Variants in RBPJ observed in about 807,000 individuals in gnomAD.
RBPJ encodes recombining binding protein suppressor of hairless.
In RBPJ, 9 loss-of-function variants were observed where a neutral mutation model predicts 67.8. That is an observed-to-expected ratio of 0.13 (90% CI 0.08 to 0.23). RBPJ has a LOEUF of 0.23. RBPJ is among the 10% of genes least tolerant of loss of function. The pLI is 1.00. For missense variants in RBPJ, 305 were observed against 595.6 expected, an observed-to-expected ratio of 0.51 and a Z score of 5.08; for synonymous variants, 198 against 203.3, an observed-to-expected ratio of 0.97 and a Z score of 0.22.
chr4:26,222,405 G>C (rs1461416605), intron 1 of RBPJ, among the ~76,000 whole-genome samples: 2 of 149,486 alleles, frequency 1.3e-5, no homozygotes, highest in Non-Finnish European at 3.0e-5. Context: ...TGAGGCAGGA[G>C]AATGGCTTGA....
the RBPJ span, among the ~76,000 whole-genome samples, chr4:26,129,489 G>C: frequency 2.6e-5 from 4 of 152,242 alleles, no homozygotes; most frequent in East Asian, 7.7e-4. Context: ...AAGAGTCCTG[G>C]GTTCTCATCT....
chr4:26,132,278 G>A, the RBPJ span, among the ~76,000 whole-genome samples: 2 of 152,136 alleles, frequency 1.3e-5, no homozygotes, highest in Admixed American at 6.5e-5. Context: ...AGATTCACCT[G>A]CAGGCACTCA....
intron 1 of RBPJ, among the ~76,000 whole-genome samples, chr4:26,182,299 G>A (rs766199037): frequency 7.2e-5 from 11 of 151,856 alleles, no homozygotes; most frequent in Non-Finnish European, 1.2e-4. Context: ...CCGAGATCGC[G>A]CCACTGCACT....
At chr4:26,165,703 ATTTTTTTTCTT>A (rs1177566159) in intron 1 of RBPJ, among the ~76,000 whole-genome samples, 1 of 133,538 alleles carries the variant, frequency 7.5e-6, no homozygotes, top group Non-Finnish European at 1.7e-5. Context: ...ATATTTTTTC[ATTTTTTTTCTT>A]TTTTTTTTAT....
chr4:26,292,675 G>T lies in RBPJ; in HGVS notation c.-166-69771G>T, dbSNP rs989590549. 7.3e-5 allele frequency among the ~76,000 whole-genome samples: 11 copies of T among 150,350 alleles called. 1 individual carries two copies. The highest frequency in any genetic ancestry group is 2.0e-4 in the African/African-American group (8 of 40,812). On this transcript the variant is annotated intron_variant, in intron 1 of 4. Coordinates refer to the RBPJ transcript ENST00000512351. ...GACCTCAAGTGAGCCACCTGCCTTG[G>T]CCTCCCAAATTGCCGGGATTACAGG...
At chr4:26,416,081 A>T (rs1202104928) in intron 4 of RBPJ, among the ~76,000 whole-genome samples, 5 of 152,168 alleles carry the variant, frequency 3.3e-5, no homozygotes, top group Non-Finnish European at 7.3e-5. Context: ...ACGATCATAA[A>T]CGTTTACTTG....
the RBPJ span, among the ~76,000 whole-genome samples, chr4:26,135,249 A>C: frequency 5.3e-5 from 8 of 152,086 alleles, no homozygotes; most frequent in Non-Finnish European, 4.4e-5. Flanking sequence ...TCCAGATCTT[A>C]GCACACCTTG....
intron 1 of RBPJ, among the ~76,000 whole-genome samples, chr4:26,314,302 C>A (rs1722533869): frequency 6.6e-6 from 1 of 151,688 alleles, no homozygotes; most frequent in Non-Finnish European, 1.5e-5. Flanking sequence ...TTTCCACCAT[C>A]AGTGATGCTG....
chr4:26,233,027 A>G (rs1263117571), intron 1 of RBPJ, among the ~76,000 whole-genome samples: 2 of 152,240 alleles, frequency 1.3e-5, no homozygotes, highest in African/African-American at 4.8e-5. Flanking sequence ...ACATGCAGAG[A>G]GAGCAGCTGC....
At chr4:26,234,532 GTTACCTTT>G (rs1719390087) in intron 1 of RBPJ, among the ~76,000 whole-genome samples, 1 of 152,246 alleles carries the variant, frequency 6.6e-6, no homozygotes, top group Middle Eastern at 3.4e-3. Flanking sequence ...TTGCTCAAAT[GTTACCTTT>G]TCAGTGAGAA....
intron 2 of RBPJ, among the ~76,000 whole-genome samples, chr4:26,396,001 C>T (rs1274519617): frequency 6.6e-6 from 1 of 152,184 alleles, no homozygotes; most frequent in Non-Finnish European, 1.5e-5. Flanking sequence ...TATGATTCAT[C>T]TCCTCACTTT....
upstream of RBPJ, among the ~76,000 whole-genome samples, chr4:26,314,661 T>C (rs1400248697): frequency 1.3e-5 from 2 of 152,154 alleles, no homozygotes; most frequent in South Asian, 2.1e-4. Flanking sequence ...CTGTCTGCCA[T>C]GAGTAAAAGC....
chr4:26,338,808 C>T (rs561868474), intron 1 of RBPJ, among the ~76,000 whole-genome samples: 103 of 151,786 alleles, frequency 6.8e-4, no homozygotes, highest in African/African-American at 2.3e-3. Context: ...CTCCTGACCT[C>T]GTGATCCACC....
chr4:26,255,611 G>A (rs1415252868), intron 1 of RBPJ, among the ~76,000 whole-genome samples: 3 of 148,966 alleles, frequency 2.0e-5, no homozygotes, highest in East Asian at 2.0e-4. Context: ...GACCATCCTG[G>A]CTAACACGGT....
At chr4:26,175,797 G>A (rs1232115805) in intron 1 of RBPJ, among the ~76,000 whole-genome samples, 1 of 152,156 alleles carries the variant, frequency 6.6e-6, no homozygotes, top group African/African-American at 2.4e-5. Context: ...GTGTGCCAGC[G>A]CTGTGTTTTG....
At chr4:26,209,097 AAAT>A (rs1383195949) in intron 1 of RBPJ, among the ~76,000 whole-genome samples, 4 of 88,638 alleles carry the variant, frequency 4.5e-5, no homozygotes, top group African/African-American at 4.5e-5. Flanking sequence ...AGAAGAAAAA[AAAT>A]ATATATATAT....
chr4:26,279,610 T>C (rs1202636273), intron 1 of RBPJ, among the ~76,000 whole-genome samples: 1 of 152,056 alleles, frequency 6.6e-6, no homozygotes, highest in African/African-American at 2.4e-5. Flanking sequence ...CAAATTCCCG[T>C]GGTTGCTTAC....
At chr4:26,422,948 A>T (rs1735292002) in intron 5 of RBPJ, among the ~76,000 whole-genome samples, 1 of 152,192 alleles carries the variant, frequency 6.6e-6, no homozygotes, top group Non-Finnish European at 1.5e-5. Context: ...AGTACAGTTT[A>T]TATTGTGATA....
chr4:26,291,990 T>C (rs2109288397), intron 1 of RBPJ, among the ~76,000 whole-genome samples: 3 of 151,086 alleles, frequency 2.0e-5, no homozygotes. Flanking sequence ...CGATTTGATA[T>C]ATGTACATAT....
Sources: gnomAD v4.1 joint callset for allele counts (sites outside exome capture counted in the v4.1 genomes callset) on GRCh38, gnomAD v4.1.1 for gene constraint, MANE v1.5 for transcripts, NCBI Gene and HGNC (gene_info 2026-07-23, HGNC 2026-07-21) for gene names.